CAPN2: variants seen among roughly 807,000 people sequenced by gnomAD.
The protein encoded by CAPN2 is calpain 2, also known as calpain-2 catalytic subunit.
In CAPN2, 92 loss-of-function variants were observed where a neutral mutation model predicts 102.3. The observed-to-expected ratio is 0.90, with a 90% CI of 0.76 to 1.07. The LOEUF (loss-of-function observed/expected upper bound fraction) is 1.07, where lower values mean the gene tolerates loss of function less well. Ranked by LOEUF, CAPN2 falls within the 50% of genes least tolerant of loss-of-function variation. CAPN2 has a pLI of 0.00. For missense variants in CAPN2, 800 were observed against 909.4 expected (o/e 0.88, Z 1.55); for synonymous variants, 340 against 355.4 (o/e 0.96, Z 0.49).
intron 1 of CAPN2, among the ~76,000 whole-genome samples, chr1:223,702,064 A>AGGGAGGGG (rs1659489137): frequency 1.1e-4 from 1 of 8,914 alleles, no homozygotes; most frequent in African/African-American, 2.3e-4. Context: ...GAAGGAAGGA[A>AGGGAGGGG]GGGAGGGAGG....
At chr1:223,774,206 C>T (rs532194558) in intron 20 of CAPN2, among the ~76,000 whole-genome samples, 11 of 152,004 alleles carry the variant, frequency 7.2e-5, no homozygotes, top group Admixed American at 1.3e-4. Flanking sequence ...CCACTCCCTC[C>T]GCATCTCCTC....
In CAPN2 at chr1:223,755,756, G is replaced by A. The variant is rs1468478031; in HGVS notation, c.1305+107G>A. On this transcript the variant is annotated intron_variant, in intron 10 of 20. Coordinates refer to ENST00000295006, the MANE Select transcript of CAPN2 (RefSeq NM_001748.5). The surrounding 1 kb of genome is among the most constrained non-coding windows in gnomAD (Gnocchi z 4.1). Reference sequence around the variant, plus strand: ...AACTGGGGATGGGATCCCAGACCGGGAGCTTGGCCAAGGAAAAACAAAACT... The same window carrying A: ...AACTGGGGATGGGATCCCAGACCGGAAGCTTGGCCAAGGAAAAACAAAACT... 5 of 1,185,254 alleles carry A rather than the reference G, an allele frequency of 4.2e-6. No homozygotes were observed. In the African/African-American group the frequency reaches 6.2e-5, roughly 15 times the overall value. 73.4% of individuals were successfully genotyped at this position (1,185,254 alleles called of 1,614,324 possible). A position where few individuals can be genotyped will look rare whatever the true frequency, so the allele number is the denominator to read the frequency against.
At position 223,726,213 on chromosome 1, in the gene CAPN2, T is replaced by C. The variant is rs1402672632; in HGVS notation, c.307+8382T>C. Among the ~76,000 whole-genome samples the C allele has an allele frequency of 6.6e-6, 1 of 152,198 alleles. No homozygotes were observed. The highest frequency in any genetic ancestry group is 2.4e-5 in the African/African-American group (1 of 41,456). On this transcript the variant is annotated intron_variant, in intron 2 of 20. Transcript: ENST00000295006. The surrounding 1 kb of genome is among the most constrained non-coding windows in gnomAD (Gnocchi z 4.4). ...AAGGAGAGTTCCTGAAGAGCAGGAA[T>C]TTAAGACAGGAATTGGCAGCCGAGG...
At chr1:223,774,192 C>T (rs1243334535) in intron 20 of CAPN2, among the ~76,000 whole-genome samples, 1 of 151,678 alleles carries the variant, frequency 6.6e-6, no homozygotes, top group African/African-American at 2.4e-5. Flanking sequence ...CCTGCCTGCT[C>T]AGTCCACTCC....
At chr1:223,769,586 A>T (rs1157646534) in intron 16 of CAPN2, among the ~76,000 whole-genome samples, 1 of 152,150 alleles carries the variant, frequency 6.6e-6, no homozygotes, top group Non-Finnish European at 1.5e-5. Flanking sequence ...CATTTTTAGT[A>T]GTATCTGGGG....
intron 16 of CAPN2, among the ~76,000 whole-genome samples, chr1:223,766,977 AAG>A (rs1007764958): frequency 3.3e-5 from 5 of 151,734 alleles, no homozygotes; most frequent in African/African-American, 1.2e-4. Flanking sequence ...AAAAAAGAAA[AAG>A]AATGTAGGCC....
At chr1:223,742,398 A>C (rs1473302710) in intron 2 of CAPN2, among the ~76,000 whole-genome samples, 1 of 151,832 alleles carries the variant, frequency 6.6e-6, no homozygotes, top group East Asian at 1.9e-4. Context: ...CTCAAAAAAC[A>C]AAACAAAACC....
At chr1:223,770,340 G>A in intron 17 of CAPN2, 107 bp from the exon 18 acceptor site, 1 of 694,542 alleles carries the variant, frequency 1.4e-6, no homozygotes, top group South Asian at 1.8e-5. Flanking sequence ...GGCCAAACTA[G>A]AGGCACAGAG....
intron 11 of CAPN2, chr1:223,757,876 G>C (rs1013407938): frequency 2.0e-5 from 3 of 150,772 alleles, no homozygotes; most frequent in African/African-American, 5.0e-5. Flanking sequence ...TGGTTTGTTT[G>C]TTTGTTTTTT....
intron 2 of CAPN2, among the ~76,000 whole-genome samples, chr1:223,721,795 C>A (rs891160440): frequency 1.3e-5 from 2 of 152,204 alleles, no homozygotes; most frequent in Non-Finnish European, 2.9e-5. Context: ...GGACCCAACC[C>A]CTCTGAGCCT....
chr1:223,730,190 C>T (rs895851574), intron 2 of CAPN2, among the ~76,000 whole-genome samples: 2 of 151,910 alleles, frequency 1.3e-5, no homozygotes, highest in African/African-American at 4.8e-5. Flanking sequence ...AAAGGTGCTA[C>T]TAGATGCTCA....
At chr1:223,729,029 C>T (rs1023373576) in intron 2 of CAPN2, among the ~76,000 whole-genome samples, 11 of 152,214 alleles carry the variant, frequency 7.2e-5, no homozygotes, top group African/African-American at 2.2e-4. Context: ...CCTCCATTCT[C>T]GGTCCTTAAC....
intron 2 of CAPN2, among the ~76,000 whole-genome samples, chr1:223,719,941 C>T (rs1660007010): frequency 6.6e-6 from 1 of 152,206 alleles, no homozygotes; most frequent in South Asian, 2.1e-4. Context: ...TGTACTCTCA[C>T]CCTGATTCTG....
chr1:223,759,215 A>G lies in CAPN2; in HGVS notation c.1318-55A>G. 6.7e-7 allele frequency: 1 copy of G among 1,486,480 alleles called. No homozygotes were observed. Among genetic ancestry groups the G allele is most frequent in the Non-Finnish European group, 9.4e-7 (1 of 1,064,954 alleles). 92.1% of individuals were successfully genotyped at this position (1,486,480 alleles called of 1,614,324 possible). A position where few individuals can be genotyped will look rare whatever the true frequency, so the allele number is the denominator to read the frequency against. On this transcript the variant is annotated intron_variant, in intron 11 of 20. Coordinates refer to ENST00000295006, the MANE Select transcript of CAPN2 (RefSeq NM_001748.5). This position sits in a 1 kb window ranked among gnomAD's most constrained non-coding sequence, Gnocchi z 4.6. ...TTTTATCTCAGTGAATGAAAATGAT[A>G]CTTGCCTGGAGGCTTCCCCTCATCT...
At chr1:223,752,990 G>A (rs768359194) in intron 9 of CAPN2, 34 bp downstream of exon 9, 58 of 1,607,492 alleles carry the variant, frequency 3.6e-5, no homozygotes, top group Non-Finnish European at 4.7e-5. Context: ...CTGTTGCAAT[G>A]CGGGGCCACC....
In CAPN2 at chr1:223,759,530, A is replaced by G. The variant is rs190460827; in HGVS notation, c.1529+49A>G. On this transcript the variant is annotated intron_variant, in intron 12 of 20. Transcript: ENST00000295006. The surrounding 1 kb of genome is among the most constrained non-coding windows in gnomAD (Gnocchi z 4.6). ...TCCCCACCCTTCCCTGTCCCTCCCCACTGGTCTGTTCCTCGGCCCCTAGAG... is the reference window on the plus strand; with the variant it reads ...TCCCCACCCTTCCCTGTCCCTCCCCGCTGGTCTGTTCCTCGGCCCCTAGAG... 1.3e-6 allele frequency: 2 copies of G among 1,525,192 alleles called. No individual in the cohort carries two copies. Among genetic ancestry groups the G allele is most frequent in the African/African-American group, 1.4e-5 (1 of 73,064 alleles). The allele number at this position is 1,525,192 out of a possible 1,614,324, so 94.5% of individuals were successfully genotyped here. A position where few individuals can be genotyped will look rare whatever the true frequency, so the allele number is the denominator to read the frequency against.
chr1:223,713,314 G>A (rs1474611983), intron 1 of CAPN2, among the ~76,000 whole-genome samples: 5 of 152,146 alleles, frequency 3.3e-5, no homozygotes, highest in African/African-American at 7.2e-5. Context: ...CTGGGGTTCT[G>A]TCTGTTCATG....
At chr1:223,729,908 A>G (rs1027860283) in intron 2 of CAPN2, among the ~76,000 whole-genome samples, 3 of 148,938 alleles carry the variant, frequency 2.0e-5, no homozygotes, top group Admixed American at 1.4e-4. Context: ...AGGCTGAGGC[A>G]GGAGAATCGC....
At chr1:223,734,828 C>T (rs1022159535) in intron 2 of CAPN2, among the ~76,000 whole-genome samples, 1 of 152,152 alleles carries the variant, frequency 6.6e-6, no homozygotes, top group Non-Finnish European at 1.5e-5. Context: ...ATTTAATTCT[C>T]AGTGCCATGA....
Sources: allele counts gnomAD v4.1 joint callset (sites outside exome capture counted in the v4.1 genomes callset), GRCh38; gene constraint gnomAD v4.1.1; non-coding constraint Gnocchi (gnomAD v3.1); transcripts MANE v1.5; gene names NCBI Gene and HGNC (gene_info 2026-07-23, HGNC 2026-07-21).